Variants in MRPS27 observed in about 807,000 individuals in gnomAD.
MRPS27 encodes the protein small ribosomal subunit protein mS27.
In MRPS27, 43 loss-of-function variants were observed where a neutral mutation model predicts 48.9. The ratio of observed to expected loss-of-function variants is 0.88; its 90% CI spans 0.69 to 1.13. The LOEUF (loss-of-function observed/expected upper bound fraction) is 1.13, where lower values mean the gene tolerates loss of function less well. MRPS27 is among the 50% of genes most tolerant of loss of function. MRPS27 has a pLI of 0.00. For synonymous variants in MRPS27, 188 were observed against 171.9 expected, an observed-to-expected ratio of 1.09 and a Z score of -0.73; for missense variants, 467 against 476.3, an observed-to-expected ratio of 0.98 and a Z score of 0.18.
intron 4 of MRPS27, among the ~76,000 whole-genome samples, chr5:72,285,991 T>A (rs1261321663): frequency 6.6e-6 from 1 of 152,236 alleles, no homozygotes; most frequent in Non-Finnish European, 1.5e-5. Context: ...CTCATTTATT[T>A]CCATCTCAAA....
At chr5:72,254,310 G>T (rs1486885517) in intron 4 of MRPS27, among the ~76,000 whole-genome samples, 1 of 152,088 alleles carries the variant, frequency 6.6e-6, no homozygotes, top group African/African-American at 2.4e-5. Flanking sequence ...CAAAACCTAG[G>T]AAACTAGGGA....
chr5:72,220,603 G>A lies in MRPS27; in HGVS notation c.*306C>T, dbSNP rs1041485492. 5 of 333,490 alleles carry A rather than the reference G, an allele frequency of 1.5e-5. No individual in the cohort carries two copies. Among genetic ancestry groups the A allele is most frequent in the African/African-American group, 4.2e-5 (2 of 47,476 alleles). The allele number at this position is 333,490 out of a possible 1,614,324, so 20.7% of individuals were successfully genotyped here. ...TGGTTTCTCCCAGTACTGTCACTGG[G>A]TCTTAGGAACTTTAATGCTCATAAC... On this transcript the variant is annotated 3_prime_UTR_variant, in exon 11 of 11. Coordinates refer to ENST00000261413, the MANE Select transcript of MRPS27 (RefSeq NM_015084.3).
At chr5:72,221,289 GC>G in intron 10 of MRPS27, 141 bp from the exon 11 acceptor site, 1 of 1,072,690 alleles carries the variant, frequency 9.3e-7, no homozygotes, top group Non-Finnish European at 1.3e-6. Context: ...CATTCTAGTG[GC>G]CCAGAATGAA....
At chr5:72,270,477 A>G (rs917605468) in intron 4 of MRPS27, among the ~76,000 whole-genome samples, 2 of 151,976 alleles carry the variant, frequency 1.3e-5, no homozygotes, top group Non-Finnish European at 2.9e-5. Flanking sequence ...AGTAATAACA[A>G]TATAAAATAA....
In MRPS27 at chr5:72,320,218, C is replaced by G; in HGVS notation, c.4G>C (p.Ala2Pro). The change falls in exon 1 of 11, where the codon GCT becomes CCT. Residue 2 changes from alanine to proline, a missense_variant. Coordinates refer to ENST00000261413, the MANE Select transcript of MRPS27 (RefSeq NM_015084.3). MAASIVRRGMLL... is the reference protein window; with the variant it reads MPASIVRRGMLL... The stretch of plus-strand genomic sequence containing the variant: ...ATCCCGCGCCGCACTATGGAGGCAG[C>G]CATCTTGGAGCGTACCAAAAGGAAC... 1 of 1,613,970 alleles carries G rather than the reference C, an allele frequency of 6.2e-7. No homozygotes were observed. Among genetic ancestry groups the G allele is most frequent in the Non-Finnish European group, 8.5e-7 (1 of 1,179,894 alleles).
intron 4 of MRPS27, among the ~76,000 whole-genome samples, chr5:72,291,000 T>C (rs1749803194): frequency 6.6e-6 from 1 of 152,142 alleles, no homozygotes; most frequent in Non-Finnish European, 1.5e-5. Flanking sequence ...GAAATGCTCC[T>C]GTCTAGCACC....
In MRPS27 at chr5:72,223,710, C is replaced by T. The variant is rs1343168196; in HGVS notation, c.978G>A (p.Lys326=). The T allele has an allele frequency of 6.2e-7, 1 of 1,613,996 alleles. No individual in the cohort carries two copies. Among genetic ancestry groups the T allele is most frequent in the East Asian group, 2.2e-5 (1 of 44,874 alleles). The part of the protein sequence containing the change: ...QLDIEETEQS[K]LPQYLERFKA... ...TAAATCGTTCCAGGTATTGAGGAAG[C>T]TTGGACTGCTCTGTTTCCTCGATGT... Residue 326 remains lysine, a synonymous_variant, in exon 10 of 11, where the codon AAG becomes AAA. Coordinates refer to ENST00000261413, the MANE Select transcript of MRPS27 (RefSeq NM_015084.3).
chr5:72,225,996 A>G, intron 9 of MRPS27, 61 bp downstream of exon 9: 2 of 1,542,878 alleles, frequency 1.3e-6, no homozygotes, highest in Non-Finnish European at 1.8e-6. Flanking sequence ...AAACAAATTT[A>G]AAGCTCAGGT....
At chr5:72,320,088 C>T (rs1750710486) in intron 1 of MRPS27, 61 bp downstream of exon 1, 3 of 1,553,436 alleles carry the variant, frequency 1.9e-6, no homozygotes, top group African/African-American at 1.4e-5. Context: ...CTTGAAAGCC[C>T]ACCGCTCCCT....
At chr5:72,271,318 T>A (rs1749236065) in intron 4 of MRPS27, among the ~76,000 whole-genome samples, 1 of 152,110 alleles carries the variant, frequency 6.6e-6, no homozygotes, top group African/African-American at 2.4e-5. Flanking sequence ...AAAAATCAAC[T>A]CTCTAGCAGC....
intron 4 of MRPS27, among the ~76,000 whole-genome samples, chr5:72,279,783 A>C (rs891670603): frequency 6.6e-6 from 1 of 152,152 alleles, no homozygotes; most frequent in African/African-American, 2.4e-5. Context: ...TCAAAAAAAA[A>C]CAAATCCTTC....
chr5:72,272,099 C>T (rs954693508), intron 4 of MRPS27, among the ~76,000 whole-genome samples: 8 of 152,142 alleles, frequency 5.3e-5, no homozygotes, highest in African/African-American at 1.2e-4. Flanking sequence ...TCTCCTGCCA[C>T]ATTTTAAAGA....
Position 72,234,294 on chromosome 5 carries a change from C to G in MRPS27, c.397-97G>C. ...TATTATTCAGAATAAAACTTGCCAC[C>G]ATTAGCTTTAAAATATTTGACTATC... On this transcript the variant is annotated intron_variant, in intron 5 of 10. Coordinates refer to ENST00000261413, the MANE Select transcript of MRPS27 (RefSeq NM_015084.3). 2 of 1,029,220 alleles carry G rather than the reference C, an allele frequency of 1.9e-6. 1 individual carries two copies. Among genetic ancestry groups the G allele is most frequent in the South Asian group, 6.2e-5 (2 of 32,124 alleles). The allele number at this position is 1,029,220 out of a possible 1,614,324, so 63.8% of individuals were successfully genotyped here.
chr5:72,223,287 T>C (rs926904101), intron 10 of MRPS27, among the ~76,000 whole-genome samples: 8 of 152,232 alleles, frequency 5.3e-5, no homozygotes, highest in Non-Finnish European at 1.0e-4. Flanking sequence ...TGTGGCATTA[T>C]AGTGTCTAAC....
Position 72,226,087 on chromosome 5 carries a change from G to A in MRPS27, c.807C>T (p.Ser269=). The A allele has an allele frequency of 6.2e-7, 1 of 1,613,732 alleles. No individual in the cohort carries two copies. Residue 269 remains serine (S), a synonymous_variant, in exon 9 of 11, where the codon TCC becomes TCT. Coordinates refer to ENST00000261413, the MANE Select transcript of MRPS27 (RefSeq NM_015084.3). The part of the protein sequence containing the change: ...ALQVMEKVAA[S]PEDIKLCREA... ...CTCTACACAGCTTTATGTCTTCTGG[G>A]GAGGCAGCCACTTTCTCCATCACTT...
chr5:72,260,105 A>C (rs1196118816), intron 4 of MRPS27, among the ~76,000 whole-genome samples: 1 of 152,020 alleles, frequency 6.6e-6, no homozygotes, highest in Non-Finnish European at 1.5e-5. Flanking sequence ...TATAATTACT[A>C]TTTCTCATTT....
At chr5:72,243,884 C>T (rs1410352223) in intron 4 of MRPS27, among the ~76,000 whole-genome samples, 1 of 152,194 alleles carries the variant, frequency 6.6e-6, no homozygotes, top group Non-Finnish European at 1.5e-5. Flanking sequence ...CATCCAGTTG[C>T]ATAATCATGA....
chr5:72,270,341 T>C (rs1749205568), intron 4 of MRPS27, among the ~76,000 whole-genome samples: 1 of 151,144 alleles, frequency 6.6e-6, no homozygotes, highest in Non-Finnish European at 1.5e-5. Context: ...ACAAGACCAA[T>C]AACCTAGCAG....
chr5:72,276,750 C>A (rs1368212911), intron 4 of MRPS27, among the ~76,000 whole-genome samples: 1 of 150,546 alleles, frequency 6.6e-6, no homozygotes, highest in African/African-American at 2.4e-5. Context: ...GTGAGCAAAG[C>A]GCCAGGCGTG....
Sources: allele counts gnomAD v4.1 joint callset (sites outside exome capture counted in the v4.1 genomes callset), GRCh38; gene constraint gnomAD v4.1.1; transcripts MANE v1.5; gene names NCBI Gene and HGNC (gene_info 2026-07-23, HGNC 2026-07-21).